The following SAMD12 variants were observed in gnomAD, a reference collection of about 807,000 sequenced individuals.
The protein encoded by SAMD12 is sterile alpha motif domain containing 12, also known as sterile alpha motif domain-containing protein 12.
SAMD12 carries 9 observed loss-of-function variants against 15.0 expected under a neutral mutation model. The observed-to-expected ratio is 0.60, with a 90% CI of 0.36 to 1.05. The LOEUF (loss-of-function observed/expected upper bound fraction) is 1.05. SAMD12 is among the 50% of genes least tolerant of loss of function. SAMD12 has a pLI of 0.01. For missense variants in SAMD12, 230 were observed against 234.2 expected (o/e 0.98, Z 0.12); for synonymous variants, 86 against 90.1 (o/e 0.96, Z 0.25).
intron 4 of SAMD12, among the ~76,000 whole-genome samples, chr8:118,212,982 C>T (rs886427008): frequency 1.5e-4 from 23 of 152,104 alleles, no homozygotes; most frequent in Admixed American, 1.5e-3. Flanking sequence ...AACCTCAAAT[C>T]CCTGCCTTTT....
intron 4 of SAMD12, among the ~76,000 whole-genome samples, chr8:118,341,050 C>A (rs900381463): frequency 1.2e-4 from 18 of 152,160 alleles, no homozygotes; most frequent in African/African-American, 4.1e-4. Context: ...ATTTCTGATC[C>A]TTATGACATC....
At chr8:118,556,299 A>G (rs1826527198) in intron 2 of SAMD12, among the ~76,000 whole-genome samples, 1 of 152,220 alleles carries the variant, frequency 6.6e-6, no homozygotes, top group African/African-American at 2.4e-5. Flanking sequence ...TCTAGAACTG[A>G]AAATGCCACC....
At chr8:118,245,267 A>C (rs1563713138) in intron 4 of SAMD12, among the ~76,000 whole-genome samples, 1 of 152,140 alleles carries the variant, frequency 6.6e-6, no homozygotes, top group Non-Finnish European at 1.5e-5. Context: ...GTGATTAGAC[A>C]CTGAGGTCAG....
Position 118,231,022 on chromosome 8 carries a change from G to A in SAMD12, c.434-33290C>T, listed in dbSNP as rs531570201. On this transcript the variant is annotated intron_variant, in intron 4 of 4. Coordinates refer to the SAMD12 transcript ENST00000409003. ...AAGAGGGCAACAGTGAAAGCAAGGA[G>A]CACAATTAGAAGGTTATTAATAATA... 5.9e-5 allele frequency among the ~76,000 whole-genome samples: 9 copies of A among 152,232 alleles called. No homozygotes were observed. In the South Asian group the frequency reaches 1.0e-3, roughly 18 times the overall value.
At chr8:118,144,012 T>C in the SAMD12 span, among the ~76,000 whole-genome samples, 1 of 152,178 alleles carries the variant, frequency 6.6e-6, no homozygotes, top group Admixed American at 6.6e-5. Flanking sequence ...CCTAAAGTTC[T>C]GGGAGAGAAT....
At chr8:118,328,632 A>AC (rs1446632051) in intron 4 of SAMD12, among the ~76,000 whole-genome samples, 1 of 152,186 alleles carries the variant, frequency 6.6e-6, no homozygotes, top group Non-Finnish European at 1.5e-5. Flanking sequence ...CCACAGACTT[A>AC]AAGTATAAGG....
At position 118,536,050 on chromosome 8, in the gene SAMD12, G is replaced by A. The variant is rs529513700; in HGVS notation, c.192+44665C>T. Among the ~76,000 whole-genome samples, 16 of 152,306 alleles carry A rather than the reference G, an allele frequency of 1.1e-4. No individual in the cohort carries two copies. The East Asian group carries it at 3.1e-3, about 29-fold the overall frequency. On this transcript the variant is annotated intron_variant, in intron 2 of 3. Coordinates refer to ENST00000314727, the MANE Select transcript of SAMD12 (RefSeq NM_207506.3). ...GTCTTCTGCGTCGCTCACGCTGGGA[G>A]CTGTAGACTGGAGCTGTTCCTATTC...
At chr8:118,550,874 C>A (rs1181757778) in intron 2 of SAMD12, among the ~76,000 whole-genome samples, 7 of 149,422 alleles carry the variant, frequency 4.7e-5, no homozygotes, top group African/African-American at 9.9e-5. Flanking sequence ...GCAGGGTTTG[C>A]AATCCTAGTC....
chr8:118,572,311 C>T (rs1448309481), intron 2 of SAMD12, among the ~76,000 whole-genome samples: 3 of 152,126 alleles, frequency 2.0e-5, no homozygotes, highest in African/African-American at 4.8e-5. Context: ...AAGAGACTTG[C>T]CTTGTCTGTA....
chr8:118,238,755 T>A (rs1812493356), intron 4 of SAMD12, among the ~76,000 whole-genome samples: 1 of 152,154 alleles, frequency 6.6e-6, no homozygotes, highest in African/African-American at 2.4e-5. Flanking sequence ...ACTTTTGTCC[T>A]TTTAGAAATG....
chr8:118,255,575 A>G (rs1014443884), intron 4 of SAMD12, among the ~76,000 whole-genome samples: 26 of 136,446 alleles, frequency 1.9e-4, no homozygotes, highest in Non-Finnish European at 3.7e-4. Flanking sequence ...TCATTGTTCA[A>G]TTCCCACCTA....
At chr8:118,507,674 G>A (rs937321339) in intron 2 of SAMD12, among the ~76,000 whole-genome samples, 5 of 152,184 alleles carry the variant, frequency 3.3e-5, no homozygotes, top group Admixed American at 3.3e-4. Flanking sequence ...ACTTATGAAA[G>A]TAGTACAACT....
the SAMD12 span, among the ~76,000 whole-genome samples, chr8:118,176,216 G>A: frequency 2.0e-5 from 3 of 152,148 alleles, no homozygotes; most frequent in African/African-American, 7.2e-5. Flanking sequence ...CAGGAGAATT[G>A]CTTGAACCCG....
intron 4 of SAMD12, among the ~76,000 whole-genome samples, chr8:118,267,701 TTGTGTGTGTGTGTG>T (rs10671962): frequency 1.4e-5 from 2 of 147,500 alleles, no homozygotes; most frequent in African/African-American, 2.5e-5. Context: ...TTCCCATCTG[TTGTGTGTGTGTGTG>T]TGTGTGTGTG....
intron 4 of SAMD12, among the ~76,000 whole-genome samples, chr8:118,205,856 G>C (rs1249930928): frequency 6.6e-6 from 1 of 152,164 alleles, no homozygotes; most frequent in East Asian, 1.9e-4. Flanking sequence ...CACACATTGA[G>C]AACGTGAGAG....
intron 4 of SAMD12, among the ~76,000 whole-genome samples, chr8:118,223,649 T>G (rs1812127970): frequency 6.6e-6 from 1 of 152,204 alleles, no homozygotes; most frequent in African/African-American, 2.4e-5. Flanking sequence ...GATGGAAAAG[T>G]TGAGTTTCTG....
chr8:118,220,696 C>G (rs1454885290), intron 4 of SAMD12, among the ~76,000 whole-genome samples: 1 of 152,144 alleles, frequency 6.6e-6, no homozygotes, highest in African/African-American at 2.4e-5. Context: ...TAGACTTGGC[C>G]AAGCTTGGAA....
At chr8:118,166,804 C>G in the SAMD12 span, among the ~76,000 whole-genome samples, 1 of 152,182 alleles carries the variant, frequency 6.6e-6, no homozygotes, top group Non-Finnish European at 1.5e-5. Context: ...ATTTCCCTGG[C>G]TTTTCTCTCC....
Position 118,471,100 on chromosome 8 carries a change from C to T in SAMD12, c.193-31139G>A, listed in dbSNP as rs939518524. ...ACATTATGTCTCTCAAATGAAATTGCTAATTTAATAATAAAGCATGATTTT... is the reference window on the plus strand; with the variant it reads ...ACATTATGTCTCTCAAATGAAATTGTTAATTTAATAATAAAGCATGATTTT... On this transcript the variant is annotated intron_variant, in intron 2 of 3. Transcript: ENST00000314727. 3.9e-5 allele frequency among the ~76,000 whole-genome samples: 6 copies of T among 152,234 alleles called. No individual in the cohort carries two copies. In the East Asian group the frequency reaches 9.6e-4, roughly 24 times the overall value.
Sources: allele counts gnomAD v4.1 joint callset (sites outside exome capture counted in the v4.1 genomes callset), GRCh38; gene constraint gnomAD v4.1.1; transcripts MANE v1.5; gene names NCBI Gene and HGNC (gene_info 2026-07-23, HGNC 2026-07-21).